Variants in AUTS2 observed in about 807,000 individuals in gnomAD.
The protein encoded by AUTS2 is autism susceptibility gene 2 protein.
AUTS2 carries 17 observed loss-of-function variants against 112.4 expected under a neutral mutation model. The observed-to-expected ratio is 0.15, with a 90% CI of 0.10 to 0.23. AUTS2 has a LOEUF of 0.23. Among genes scored for constraint, AUTS2 ranks in the 10% least tolerant of loss-of-function variants. AUTS2 has a pLI of 1.00. For missense variants in AUTS2, 1,510 were observed against 1,701.6 expected, an observed-to-expected ratio of 0.89 and a Z score of 1.98; for synonymous variants, 751 against 702.7, an observed-to-expected ratio of 1.07 and a Z score of -1.09.
In AUTS2 at chr7:70,376,790, A is replaced by G. The variant is rs79819707; in HGVS notation, c.661-58962A>G. ...TGCTTAATTATAGTAACAGTTTCAC[A>G]TTGTCTTTGTTTGCATGATGAAGTA... On this transcript the variant is annotated intron_variant, in intron 4 of 18. Coordinates refer to ENST00000342771, the MANE Select transcript of AUTS2 (RefSeq NM_015570.4). Among the ~76,000 whole-genome samples the G allele has an allele frequency of 0.014, 2,083 of 150,456 alleles. 69 individuals are homozygous for G. The East Asian group carries it at 0.14, about 10-fold the overall frequency.
chr7:69,621,875 T>C (rs1793680730), intron 1 of AUTS2, among the ~76,000 whole-genome samples: 1 of 152,128 alleles, frequency 6.6e-6, no homozygotes, highest in South Asian at 2.1e-4. Flanking sequence ...GTATGATCTG[T>C]GGGTTTATGG....
chr7:70,272,220 GTGT>G (rs1349816418), intron 4 of AUTS2, among the ~76,000 whole-genome samples: 2 of 151,282 alleles, frequency 1.3e-5, no homozygotes, highest in East Asian at 3.9e-4. Context: ...CAAGGGAAGT[GTGT>G]TGTAGTTAAA....
At chr7:70,713,129 A>T (rs987192168) in intron 6 of AUTS2, among the ~76,000 whole-genome samples, 1 of 152,166 alleles carries the variant, frequency 6.6e-6, no homozygotes, top group South Asian at 2.1e-4. Context: ...TAACCAGCTG[A>T]GCTAACTTGC....
intron 5 of AUTS2, among the ~76,000 whole-genome samples, chr7:70,549,821 A>G (rs955669755): frequency 2.6e-5 from 4 of 152,236 alleles, no homozygotes; most frequent in African/African-American, 9.6e-5. Flanking sequence ...AGGAGCCCTG[A>G]GTAGGAAAAG....
At chr7:70,464,062 G>A (rs1386501182) in intron 5 of AUTS2, among the ~76,000 whole-genome samples, 1 of 152,172 alleles carries the variant, frequency 6.6e-6, no homozygotes, top group African/African-American at 2.4e-5. Context: ...ACAGGAAAGG[G>A]GGGCCTGTTA....
intron 1 of AUTS2, among the ~76,000 whole-genome samples, chr7:69,893,612 T>C (rs1234350014): frequency 6.6e-6 from 1 of 152,200 alleles, no homozygotes; most frequent in African/African-American, 2.4e-5. Flanking sequence ...GCCCCTCACA[T>C]ACATATACAT....
At chr7:70,760,347 C>A (rs1278281299) in intron 6 of AUTS2, among the ~76,000 whole-genome samples, 1 of 152,214 alleles carries the variant, frequency 6.6e-6, no homozygotes, top group East Asian at 1.9e-4. Flanking sequence ...TTGTACCAAG[C>A]ATAAAAATCC....
At chr7:70,446,321 C>T (rs1178442191) in intron 5 of AUTS2, among the ~76,000 whole-genome samples, 1 of 152,178 alleles carries the variant, frequency 6.6e-6, no homozygotes, top group African/African-American at 2.4e-5. Flanking sequence ...GTTTATCGGC[C>T]GGAGTGCGTG....
At chr7:70,263,254 G>C (rs1276526645) in intron 4 of AUTS2, among the ~76,000 whole-genome samples, 2 of 152,032 alleles carry the variant, frequency 1.3e-5, no homozygotes, top group African/African-American at 4.8e-5. Context: ...TTAATATAGG[G>C]ATATCCAATA....
At chr7:70,122,458 A>G (rs1014994603) in intron 3 of AUTS2, among the ~76,000 whole-genome samples, 2 of 152,052 alleles carry the variant, frequency 1.3e-5, no homozygotes, top group African/African-American at 4.8e-5. Context: ...CACCTGTGCC[A>G]TTTCTGGTCC....
intron 1 of AUTS2, among the ~76,000 whole-genome samples, chr7:69,636,490 C>CCCCCG (rs1554337492): frequency 2.5e-4 from 24 of 96,934 alleles, no homozygotes; most frequent in Non-Finnish European, 5.0e-4. Context: ...GCCCCCCCCC[C>CCCCCG]CCCTTGGCCT....
Position 70,763,116 on chromosome 7 carries a change from C to T in AUTS2, c.989C>T (p.Ala330Val). Residue 330 changes from alanine to valine, a missense_variant, in exon 7 of 19, where the codon GCC becomes GTC. Physicochemically the swap from Ala to Val is moderately conservative, Grantham distance 64 (BLOSUM62 0). Transcript: ENST00000342771. The part of the protein sequence containing the change: ...PDPDLVQRTE[A>V]PPQPPPLSTQ... ...CCTGACTTGGTGCAGCGCACAGAGG[C>T]CCCACCTCAACCCCCACCTCTGAGT... is the stretch of plus-strand genomic sequence containing the variant. 1 of 1,614,002 alleles carries T rather than the reference C, an allele frequency of 6.2e-7. No individual in the cohort carries two copies.
At chr7:69,884,632 A>G (rs1166426857) in intron 1 of AUTS2, among the ~76,000 whole-genome samples, 1 of 152,218 alleles carries the variant, frequency 6.6e-6, no homozygotes, top group African/African-American at 2.4e-5. Context: ...GTACCTAAAC[A>G]TCACTAAATC....
chr7:69,816,698 A>G (rs1203273364), intron 1 of AUTS2, among the ~76,000 whole-genome samples: 1 of 152,192 alleles, frequency 6.6e-6, no homozygotes, highest in Non-Finnish European at 1.5e-5. Flanking sequence ...AAATTACAAG[A>G]TGGGTTTTAT....
intron 1 of AUTS2, among the ~76,000 whole-genome samples, chr7:69,897,192 G>T (rs1396369949): frequency 6.6e-6 from 1 of 152,234 alleles, no homozygotes; most frequent in Non-Finnish European, 1.5e-5. Flanking sequence ...GGGCAACACT[G>T]CTAAGAGTCA....
intron 1 of AUTS2, among the ~76,000 whole-genome samples, chr7:69,830,181 A>C (rs34249708): frequency 0.26 from 39,513 of 152,056 alleles, 5,201 homozygotes; most frequent in Middle Eastern, 0.34. Flanking sequence ...TGGGAGCTGG[A>C]TAAGGAGAAA....
At chr7:69,948,179 T>C (rs1205302125) in intron 2 of AUTS2, among the ~76,000 whole-genome samples, 1 of 152,196 alleles carries the variant, frequency 6.6e-6, no homozygotes, top group Non-Finnish European at 1.5e-5. Context: ...CCTTGAGTAG[T>C]CAAGTAGATA....
chr7:70,642,067 G>A (rs965571361), intron 5 of AUTS2, among the ~76,000 whole-genome samples: 2 of 152,198 alleles, frequency 1.3e-5, no homozygotes, highest in Admixed American at 1.3e-4. Flanking sequence ...GTGCATGTAA[G>A]TTCTAATTTC....
At position 70,790,119 on chromosome 7, in the gene AUTS2, A is replaced by G. The variant is rs946551219; in HGVS notation, c.2903A>G (p.Glu968Gly). ...SSREAEPRKGEPAYENPKKSS... is the reference protein window; with the variant it reads ...SSREAEPRKGGPAYENPKKSS... ...CGGGAGGCCGAGCCGCGCAAGGGTGAGCCGGCCTACGAGAACCCCAAGAAG... is the reference window on the plus strand; with the variant it reads ...CGGGAGGCCGAGCCGCGCAAGGGTGGGCCGGCCTACGAGAACCCCAAGAAG... The change falls in exon 19 of 19, where the codon GAG (glutamate) becomes GGG (glycine). Residue 968 changes from glutamate to glycine, a missense_variant. Glu to Gly is a moderately conservative substitution (Grantham distance 98). This residue lies in a region of AUTS2 where 788 missense variants were observed against 797.6 expected (regional missense o/e 0.99). Transcript: ENST00000342771. This position sits in a 1 kb window ranked among gnomAD's most constrained non-coding sequence, Gnocchi z 7.6. The G allele has an allele frequency of 1.9e-6, 3 of 1,600,608 alleles. No individual in the cohort carries two copies. Among genetic ancestry groups the G allele is most frequent in the Non-Finnish European group, 2.6e-6 (3 of 1,174,798 alleles).
Sources: gnomAD v4.1 joint callset for allele counts (sites outside exome capture counted in the v4.1 genomes callset) on GRCh38, gnomAD v4.1.1 for gene constraint, gnomAD v4.1.1 regional missense constraint, Gnocchi (gnomAD v3.1) non-coding constraint, MANE v1.5 for transcripts, NCBI Gene and HGNC (gene_info 2026-07-23, HGNC 2026-07-21) for gene names.